Variants in ZNF709 observed in about 807,000 individuals in gnomAD.
ZNF709 encodes the protein zinc finger protein 709.
ZNF709 carries 15 observed loss-of-function variants against 10.6 expected under a neutral mutation model. That is an observed-to-expected ratio of 1.41 (90% CI 0.95 to 2.18). ZNF709 has a LOEUF of 2.18. Ranked by LOEUF, ZNF709 falls within the 30% of genes most tolerant of loss-of-function variation. The pLI is 0.00. For synonymous variants in ZNF709, 194 were observed against 238.8 expected (o/e 0.81, Z 1.73); for missense variants, 589 against 774.0 (o/e 0.76, Z 2.84).
At chr19:12,467,281 G>T (rs1426891229) in intron 1 of ZNF709, among the ~76,000 whole-genome samples, 2 of 152,168 alleles carry the variant, frequency 1.3e-5, no homozygotes, top group Non-Finnish European at 2.9e-5. Flanking sequence ...GCGATTGCAG[G>T]CGCGCGCGCC....
intron 1 of ZNF709, among the ~76,000 whole-genome samples, chr19:12,468,941 C>T (rs557627500): frequency 5.3e-4 from 80 of 151,980 alleles, no homozygotes; most frequent in African/African-American, 1.7e-3. Flanking sequence ...CCCGGGTTCA[C>T]GCCATTCTCC....
chr19:12,480,766 G>C (rs1970720424), intron 1 of ZNF709, among the ~76,000 whole-genome samples: 1 of 152,012 alleles, frequency 6.6e-6, no homozygotes, highest in South Asian at 2.1e-4. Flanking sequence ...TGGACTTTGA[G>C]GTTTTTTCGT....
At chr19:12,466,660 T>C (rs757562322) in intron 2 of ZNF709, 64 bp downstream of exon 2, 2 of 1,612,880 alleles carry the variant, frequency 1.2e-6, no homozygotes, top group Non-Finnish European at 1.7e-6. Context: ...CCTTGGAACC[T>C]TGCTGATGAG....
chr19:12,483,622 C>T (rs1432397276), intron 1 of ZNF709, among the ~76,000 whole-genome samples: 1 of 152,036 alleles, frequency 6.6e-6, no homozygotes, highest in Non-Finnish European at 1.5e-5. Flanking sequence ...ACTGCAACCT[C>T]TGCCTCCCGG....
chr19:12,484,641 C>A lies in ZNF709; in HGVS notation c.3+14G>T. On this transcript the variant is annotated intron_variant, in intron 1 of 3. Transcript: ENST00000397732. The stretch of plus-strand genomic sequence containing the variant: ...CTCTCTCCCATCTCAAGACCCCCAG[C>A]CCCGCACACTTACCATTTCCCAGAC... 5.6e-6 allele frequency: 9 copies of A among 1,614,048 alleles called. No individual in the cohort carries two copies. The highest frequency in any genetic ancestry group is 6.8e-6 in the Non-Finnish European group (8 of 1,179,940).
At position 12,464,678 on chromosome 19, in the gene ZNF709, G is replaced by T. The variant is rs759457940; in HGVS notation, c.1244C>A (p.Thr415Asn). Reference protein sequence around the residue: ...SSFRMHERTHTGEKPHECKQC... With the variant: ...SSFRMHERTHNGEKPHECKQC... ...TTTACATTCATGGGGTTTCTCTCCA[G>T]TGTGAGTTCTTTCATGCATTCGAAA... The change falls in exon 4 of 4, where the codon ACT becomes AAT. Residue 415 changes from threonine (T) to asparagine (N), a missense_variant. By Grantham distance (65) the Thr-to-Asn change is moderately conservative. Around this residue, in one of 2 missense-constraint regions of ZNF709, gnomAD observed 418 missense variants for 496.3 expected, o/e 0.84. Coordinates refer to ENST00000397732, the MANE Select transcript of ZNF709 (RefSeq NM_152601.4). 12 of 1,612,560 alleles carry T rather than the reference G, an allele frequency of 7.4e-6. No homozygotes were observed. The highest frequency in any genetic ancestry group is 1.0e-5 in the Non-Finnish European group (12 of 1,179,226).
chr19:12,481,414 A>G (rs1438165833), intron 1 of ZNF709, among the ~76,000 whole-genome samples: 9 of 151,522 alleles, frequency 5.9e-5, no homozygotes, highest in Admixed American at 5.9e-4. Flanking sequence ...TAATTTTTAT[A>G]TTTTTAGTAG....
chr19:12,484,746 T>A lies in ZNF709; in HGVS notation c.-89A>T. On this transcript the variant is annotated 5_prime_UTR_variant, in exon 1 of 4. Coordinates refer to ENST00000397732, the MANE Select transcript of ZNF709 (RefSeq NM_152601.4). ...CTCCACCTGAGGCCCTTCCTCCACC[T>A]GAGGGCCTTCTGGGGTGAGGAGACC... 6.4e-7 allele frequency: 1 copy of A among 1,572,172 alleles called. No homozygotes were observed. Among genetic ancestry groups the A allele is most frequent in the Non-Finnish European group, 8.7e-7 (1 of 1,142,880 alleles).
chr19:12,477,726 A>G (rs1412374815), intron 1 of ZNF709, among the ~76,000 whole-genome samples: 4 of 152,198 alleles, frequency 2.6e-5, no homozygotes, highest in Admixed American at 6.5e-5. Flanking sequence ...TGCCGTCTAA[A>G]TTCCTTTAGT....
chr19:12,469,265 C>A (rs1004150172), intron 1 of ZNF709, among the ~76,000 whole-genome samples: 1 of 152,144 alleles, frequency 6.6e-6, no homozygotes, highest in Non-Finnish European at 1.5e-5. Flanking sequence ...CATGTTGTAC[C>A]GAAGTACTGC....
At chr19:12,466,223 G>A (rs954953921) in intron 3 of ZNF709, among the ~76,000 whole-genome samples, 2 of 152,160 alleles carry the variant, frequency 1.3e-5, no homozygotes, top group African/African-American at 2.4e-5. Flanking sequence ...TTACAGGCAT[G>A]AGCCACCATG....
chr19:12,484,780 G>T lies in ZNF709; in HGVS notation c.-123C>A, dbSNP rs552387733. 7.2e-5 allele frequency: 97 copies of T among 1,348,868 alleles called. No homozygotes were observed. Among genetic ancestry groups the T allele is most frequent in the African/African-American group, 1.0e-4 (7 of 68,452 alleles). 83.6% of individuals were successfully genotyped at this position (1,348,868 alleles called of 1,614,324 possible). ...TCTGGGGTGAGGAGACCCCAGAGCG[G>T]AGCGCAGCGGCTGGTAGCCACGCCC... On this transcript the variant is annotated 5_prime_UTR_variant, in exon 1 of 4. Transcript: ENST00000397732.
rs769009430 is a variant in ZNF709, at chr19:12,464,510, G to T, written c.1412C>A (p.Thr471Asn). ...SSFRMHERIH[T>N]GEKPYECKQC... ...TTTACATTCATAGGGTTTCTCTCCA[G>T]TGTGAATTCTTTCATGCATTCGAAA... The change falls in exon 4 of 4, where the codon ACT becomes AAT. Residue 471 changes from threonine to asparagine, a missense_variant. Coordinates refer to ENST00000397732, the MANE Select transcript of ZNF709 (RefSeq NM_152601.4). 1.9e-6 allele frequency: 3 copies of T among 1,613,280 alleles called. No individual in the cohort carries two copies. In the South Asian group the frequency reaches 3.3e-5, roughly 18 times the overall value.
chr19:12,468,065 G>A (rs976875585), intron 1 of ZNF709, among the ~76,000 whole-genome samples: 5 of 150,558 alleles, frequency 3.3e-5, no homozygotes, highest in Non-Finnish European at 7.4e-5. Context: ...CCGTCCGGGA[G>A]GGAGGTGGGG....
rs773355975 is a variant in ZNF709 at position 12,462,259 on chromosome 19, T to A, written c.*1737A>T. The A allele has an allele frequency of 3.3e-5, 5 of 152,226 alleles. No homozygotes were observed. The highest frequency in any genetic ancestry group is 7.3e-5 in the Non-Finnish European group (5 of 68,050). 9.4% of individuals were successfully genotyped at this position (152,226 alleles called of 1,614,324 possible). ...TCCTATGCATCCATCTGTCTCCACA[T>A]ATGGTGGCTATAAAACCTGACTAAT... is the stretch of plus-strand genomic sequence containing the variant. On this transcript the variant is annotated 3_prime_UTR_variant, in exon 4 of 4. Transcript: ENST00000397732.
chr19:12,484,238 A>T (rs1970757608), intron 1 of ZNF709, among the ~76,000 whole-genome samples: 1 of 152,124 alleles, frequency 6.6e-6, no homozygotes, highest in Non-Finnish European at 1.5e-5. Flanking sequence ...ATACACTTGG[A>T]AACCTTGAGA....
chr19:12,472,340 G>A (rs1970640399), intron 1 of ZNF709, among the ~76,000 whole-genome samples: 1 of 151,684 alleles, frequency 6.6e-6, no homozygotes, highest in African/African-American at 2.4e-5. Context: ...TGGCCAACAT[G>A]GTGAAACCCC....
At position 12,461,319 on chromosome 19, in the gene ZNF709, C is replaced by T. The variant is rs1267967775; in HGVS notation, c.*2677G>A. On this transcript the variant is annotated 3_prime_UTR_variant, in exon 4 of 4. Coordinates refer to ENST00000397732, the MANE Select transcript of ZNF709 (RefSeq NM_152601.4). ...GAAGCTTTTGTTCAACAAAAACATA[C>T]ACATGGTTTTTAATCACATATAATG... is the stretch of plus-strand genomic sequence containing the variant. 6.6e-6 allele frequency: 1 copy of T among 152,110 alleles called. No homozygotes were observed. The allele number at this position is 152,110 out of a possible 1,614,324, so 9.4% of individuals were successfully genotyped here.
At chr19:12,466,413 G>A (rs1201099181) in intron 3 of ZNF709, 49 bp downstream of exon 3, 1 of 1,516,436 alleles carries the variant, frequency 6.6e-7, no homozygotes, top group Non-Finnish European at 9.1e-7. Context: ...CTAATGGCAT[G>A]CTAAGATTCT....
Sources: allele counts gnomAD v4.1 joint callset (sites outside exome capture counted in the v4.1 genomes callset), GRCh38; gene constraint gnomAD v4.1.1; regional missense constraint gnomAD v4.1.1; transcripts MANE v1.5; gene names NCBI Gene and HGNC (gene_info 2026-07-23, HGNC 2026-07-21).